The following TENM2 variants were observed in gnomAD, a reference collection of about 807,000 sequenced individuals.
TENM2 encodes teneurin-2.
TENM2 carries 52 observed loss-of-function variants against 245.2 expected under a neutral mutation model. The ratio of observed to expected loss-of-function variants is 0.21; its 90% CI spans 0.17 to 0.27. The LOEUF (loss-of-function observed/expected upper bound fraction) is 0.27, where lower values mean the gene tolerates loss of function less well. Among genes scored for constraint, TENM2 ranks in the 10% least tolerant of loss-of-function variants. The probability of loss-of-function intolerance (pLI) is 1.00; values close to 1 mark genes in which losing one functional copy is unlikely to be tolerated. For missense variants in TENM2, 3,046 were observed against 3,666.8 expected, an observed-to-expected ratio of 0.83 and a Z score of 4.37; for synonymous variants, 1,363 against 1,438.9, an observed-to-expected ratio of 0.95 and a Z score of 1.19.
chr5:167,943,065 G>A (rs1779316277), intron 3 of TENM2, among the ~76,000 whole-genome samples: 1 of 152,188 alleles, frequency 6.6e-6, no homozygotes, highest in Admixed American at 6.5e-5. Flanking sequence ...TGCAGTTCAA[G>A]GTCTGACATT....
At chr5:167,968,091 A>G (rs1345047683) in intron 4 of TENM2, among the ~76,000 whole-genome samples, 1 of 152,198 alleles carries the variant, frequency 6.6e-6, no homozygotes, top group Non-Finnish European at 1.5e-5. Flanking sequence ...TTATGTCCCC[A>G]GACTTGCAAA....
chr5:168,024,401 C>T (rs917428409), intron 5 of TENM2, among the ~76,000 whole-genome samples: 3 of 152,182 alleles, frequency 2.0e-5, no homozygotes, highest in African/African-American at 7.2e-5. Flanking sequence ...TTTACAGACA[C>T]GTTCTGAATC....
rs570763855 is a variant in TENM2 at position 167,955,076 on chromosome 5, TC to T, written c.947+2257del. On this transcript the variant is annotated intron_variant, in intron 4 of 28. Coordinates refer to ENST00000518659, the Ensembl canonical transcript of TENM2. The stretch of plus-strand genomic sequence containing the variant: ...TCACAATGGTTGAATCAATTTACAC[TC>T]CCACCAACAGTGTAAAAGCATTCCT... Among the ~76,000 whole-genome samples the T allele has an allele frequency of 5.3e-4, 80 of 152,300 alleles. 1 individual carries two copies. The highest frequency in any genetic ancestry group is 1.9e-3 in the African/African-American group (79 of 41,550).
At chr5:168,242,341 C>T (rs140403162) in intron 25 of TENM2, among the ~76,000 whole-genome samples, 4 of 152,296 alleles carry the variant, frequency 2.6e-5, no homozygotes, top group East Asian at 1.9e-4. Context: ...CAATGTGGAG[C>T]GTTCAAGGGC....
At chr5:167,421,868 C>T (rs1196141773) in intron 2 of TENM2, among the ~76,000 whole-genome samples, 1 of 152,274 alleles carries the variant, frequency 6.6e-6, no homozygotes, top group Admixed American at 6.5e-5. Flanking sequence ...TCTTGGCTCA[C>T]TGCAACCTCT....
intron 25 of TENM2, among the ~76,000 whole-genome samples, chr5:168,230,723 T>C (rs757445376): frequency 9.9e-5 from 15 of 152,158 alleles, no homozygotes; most frequent in Non-Finnish European, 1.8e-4. Context: ...AGATGTTTAT[T>C]AGGTGCCAAC....
At chr5:167,515,502 A>G (rs1770265594) in intron 2 of TENM2, among the ~76,000 whole-genome samples, 1 of 151,226 alleles carries the variant, frequency 6.6e-6, no homozygotes, top group African/African-American at 2.4e-5. Flanking sequence ...GCCAGGGCCT[A>G]TGCTAAGTCC....
At chr5:167,302,307 T>A (rs1291830562) in intron 1 of TENM2, among the ~76,000 whole-genome samples, 1 of 151,938 alleles carries the variant, frequency 6.6e-6, no homozygotes, top group Non-Finnish European at 1.5e-5. Context: ...AGGTGTGAGT[T>A]GAAGAGGTTT....
chr5:167,472,540 A>G (rs1301180187), intron 2 of TENM2, among the ~76,000 whole-genome samples: 1 of 152,168 alleles, frequency 6.6e-6, no homozygotes, highest in Non-Finnish European at 1.5e-5. Context: ...TGAGGATGTT[A>G]TACATCAGTT....
chr5:167,166,476 T>C, the TENM2 span, among the ~76,000 whole-genome samples: 1 of 152,168 alleles, frequency 6.6e-6, no homozygotes, highest in Non-Finnish European at 1.5e-5. Context: ...ATAATATTGT[T>C]GAGAGCTTCA....
the TENM2 span, among the ~76,000 whole-genome samples, chr5:167,066,889 T>G: frequency 1.3e-3 from 195 of 152,310 alleles, no homozygotes; most frequent in African/African-American, 4.5e-3. Flanking sequence ...CAGTAAATGA[T>G]AACAGTCCTC....
chr5:167,185,719 T>C, the TENM2 span, among the ~76,000 whole-genome samples: 5 of 152,026 alleles, frequency 3.3e-5, no homozygotes, highest in Non-Finnish European at 7.4e-5. Context: ...GTCATTTTTT[T>C]TTTGGCTATC....
chr5:167,877,606 A>T (rs1200443590), intron 3 of TENM2, among the ~76,000 whole-genome samples: 2 of 152,206 alleles, frequency 1.3e-5, no homozygotes, highest in Non-Finnish European at 2.9e-5. Context: ...AACTAGCATA[A>T]CCACACAGTA....
intron 2 of TENM2, among the ~76,000 whole-genome samples, chr5:167,445,880 CCA>C (rs766831453): frequency 6.6e-6 from 1 of 152,240 alleles, no homozygotes; most frequent in Non-Finnish European, 1.5e-5. Context: ...GGACTCTTGA[CCA>C]CAGTCTGTTC....
intron 1 of TENM2, among the ~76,000 whole-genome samples, chr5:167,316,390 G>A (rs1756365724): frequency 1.3e-5 from 2 of 152,154 alleles, no homozygotes; most frequent in Admixed American, 6.6e-5. Context: ...AGTTGTACAT[G>A]AGCAGATGCA....
At chr5:167,827,224 C>T (rs1204670404) in intron 2 of TENM2, among the ~76,000 whole-genome samples, 4 of 152,204 alleles carry the variant, frequency 2.6e-5, no homozygotes, top group Non-Finnish European at 5.9e-5. Flanking sequence ...TTACTAGAAA[C>T]ATAATTGCTC....
At chr5:167,459,535 TA>T (rs1766149705) in intron 2 of TENM2, among the ~76,000 whole-genome samples, 1 of 152,238 alleles carries the variant, frequency 6.6e-6, no homozygotes, top group Admixed American at 6.5e-5. Context: ...TACCAGACCA[TA>T]TGTTATCAGT....
At position 168,238,183 on chromosome 5, in the gene TENM2, G is replaced by T. The variant is rs1158550869; in HGVS notation, c.5521-6237G>T. On this transcript the variant is annotated intron_variant, in intron 25 of 28. Coordinates refer to ENST00000518659, the Ensembl canonical transcript of TENM2. ...AGAGAGAGAGAGAGAGAGAGAGAGA[G>T]AGGGAGGGAGGGAGGGAGGGAGGGA... Among the ~76,000 whole-genome samples, 17 of 35,412 alleles carry T rather than the reference G, an allele frequency of 4.8e-4. 1 individual carries two copies. The African/African-American group carries it at 6.5e-3, about 14-fold the overall frequency. 23.2% of individuals were successfully genotyped at this position (35,412 alleles called of 152,430 possible).
At chr5:167,681,506 G>A (rs553003036) in intron 2 of TENM2, among the ~76,000 whole-genome samples, 1 of 152,132 alleles carries the variant, frequency 6.6e-6, no homozygotes, top group East Asian at 1.9e-4. Flanking sequence ...AATTTCTACT[G>A]GACAGATACC....
Sources: gnomAD v4.1 joint callset for allele counts (sites outside exome capture counted in the v4.1 genomes callset) on GRCh38, gnomAD v4.1.1 for gene constraint, MANE v1.5 for transcripts, NCBI Gene and HGNC (gene_info 2026-07-23, HGNC 2026-07-21) for gene names.